KCNJ10: variants seen among roughly 807,000 people sequenced by gnomAD.
The protein encoded by KCNJ10 is potassium inwardly rectifying channel subfamily J member 10.
In KCNJ10, 9 loss-of-function variants were observed where a neutral mutation model predicts 22.2. The ratio of observed to expected loss-of-function variants is 0.40; its 90% CI spans 0.24 to 0.71. KCNJ10 has a LOEUF of 0.71. KCNJ10 is among the 30% of genes least tolerant of loss of function. The probability of loss-of-function intolerance (pLI) is 0.35; values close to 1 mark genes in which losing one functional copy is unlikely to be tolerated. For synonymous variants in KCNJ10, 184 were observed against 187.3 expected (o/e 0.98, Z 0.15); for missense variants, 337 against 482.7 (o/e 0.70, Z 2.83).
chr1:160,041,017 T>C lies in KCNJ10; in HGVS notation c.*376A>G. 2.9e-6 allele frequency: 1 copy of C among 349,268 alleles called. No homozygotes were observed. Among genetic ancestry groups the C allele is most frequent in the Non-Finnish European group, 5.4e-6 (1 of 186,158 alleles). 21.6% of individuals were successfully genotyped at this position (349,268 alleles called of 1,614,324 possible). A position where few individuals can be genotyped will look rare whatever the true frequency, so the allele number is the denominator to read the frequency against. ...AAAGGTAACAGAGGGAGCTCCAGCC[T>C]CAAGTCACCAAACTTCATGGTGGTG... is the stretch of plus-strand genomic sequence containing the variant. On this transcript the variant is annotated 3_prime_UTR_variant, in exon 2 of 2. Transcript: ENST00000644903. The surrounding 1 kb of genome is among the most constrained non-coding windows in gnomAD (Gnocchi z 4.4).
rs1553235194 is a variant in KCNJ10 at position 160,043,270 on chromosome 1, A to AC, written c.1-739_1-738insG. ...AAATCCTTCCAGGCCAATCCCCCTT[A>AC]AAACACACACACACACACACACACA... On this transcript the variant is annotated intron_variant, in intron 1 of 1. Transcript: ENST00000644903. 6.7e-4 allele frequency among the ~76,000 whole-genome samples: 16 copies of AC among 24,040 alleles called. No individual in the cohort carries two copies. In the Admixed American group the frequency reaches 8.6e-3, roughly 13 times the overall value. 15.8% of individuals were successfully genotyped at this position (24,040 alleles called of 152,430 possible). A position where few individuals can be genotyped will look rare whatever the true frequency, so the allele number is the denominator to read the frequency against.
intron 1 of KCNJ10, among the ~76,000 whole-genome samples, chr1:160,045,930 A>G (rs932301448): frequency 1.3e-5 from 2 of 152,258 alleles, no homozygotes; most frequent in South Asian, 2.1e-4. Context: ...AGTTGATATT[A>G]TAAAGAGCAT....
At chr1:160,064,359 C>G (rs1649266185) in intron 1 of KCNJ10, among the ~76,000 whole-genome samples, 1 of 152,186 alleles carries the variant, frequency 6.6e-6, no homozygotes, top group Non-Finnish European at 1.5e-5. Context: ...GATATTGCAA[C>G]ACACTAAATG....
chr1:160,066,130 G>A (rs1649318701), intron 1 of KCNJ10, among the ~76,000 whole-genome samples: 1 of 152,140 alleles, frequency 6.6e-6, no homozygotes, highest in South Asian at 2.1e-4. Flanking sequence ...GAAGTCTTTG[G>A]CTGAAAGAGA....
Position 160,041,480 on chromosome 1 carries a change from G to C in KCNJ10, c.1053C>G (p.Asp351Glu), listed in dbSNP as rs1007318109. Residue 351 changes from aspartate to glutamate, a missense_variant, in exon 2 of 2, where the codon GAC becomes GAG. By Grantham distance (45) the Asp-to-Glu change is conservative (BLOSUM62 2). This residue lies in a region of KCNJ10 where 65 missense variants were observed against 66.0 expected (regional missense o/e 0.98). Coordinates refer to ENST00000644903, the MANE Select transcript of KCNJ10 (RefSeq NM_002241.5). This position sits in a 1 kb window ranked among gnomAD's most constrained non-coding sequence, Gnocchi z 4.4. ...GLRDSTVRYG[D>E]PEKLKLEESL... ...ACTCCTCCAACTTGAGCTTTTCAGG[G>C]TCTCCGTAGCGTACAGTGCTGTCAC... is the stretch of plus-strand genomic sequence containing the variant. 1.2e-6 allele frequency: 2 copies of C among 1,614,104 alleles called. No individual in the cohort carries two copies. Among genetic ancestry groups the C allele is most frequent in the African/African-American group, 2.7e-5 (2 of 74,994 alleles).
Position 160,040,649 on chromosome 1 carries a change from C to A in KCNJ10, c.*744G>T. 2.5e-6 allele frequency: 1 copy of A among 398,906 alleles called. No individual in the cohort carries two copies. The highest frequency in any genetic ancestry group is 1.3e-4 in the South Asian group (1 of 7,870). 24.7% of individuals were successfully genotyped at this position (398,906 alleles called of 1,614,324 possible). A position where few individuals can be genotyped will look rare whatever the true frequency, so the allele number is the denominator to read the frequency against. On this transcript the variant is annotated 3_prime_UTR_variant, in exon 2 of 2. Transcript: ENST00000644903. ...TAGATAACAACTTGTGTTAGTCACT[C>A]CAAATTGAAGAGTTCAGAATCCAGG...
rs942200795 is a variant in KCNJ10 at position 160,044,447 on chromosome 1, A to T, written c.1-1915T>A. Among the ~76,000 whole-genome samples the T allele has an allele frequency of 4.6e-5, 7 of 152,192 alleles. No individual in the cohort carries two copies. The East Asian group carries it at 1.3e-3, about 29-fold the overall frequency. ...ACACATTAGAATACCTTCTCATTTGATCCTCAAACTCTTGAAAAAAAAGAT... is the reference window on the plus strand; with the variant it reads ...ACACATTAGAATACCTTCTCATTTGTTCCTCAAACTCTTGAAAAAAAAGAT... On this transcript the variant is annotated intron_variant, in intron 1 of 1. Transcript: ENST00000644903.
chr1:160,053,270 G>A (rs981329055), intron 1 of KCNJ10, among the ~76,000 whole-genome samples: 1 of 152,152 alleles, frequency 6.6e-6, no homozygotes, highest in African/African-American at 2.4e-5. Flanking sequence ...TCTGTTTTTG[G>A]ATACCAGTTC....
chr1:160,043,315 A>C (rs866843451), intron 1 of KCNJ10, among the ~76,000 whole-genome samples: 40 of 131,198 alleles, frequency 3.0e-4, no homozygotes, highest in Middle Eastern at 3.6e-3. Context: ...ACACACACAC[A>C]ACCTTAATTT....
chr1:160,040,475 G>C lies in KCNJ10; in HGVS notation c.*918C>G. On this transcript the variant is annotated 3_prime_UTR_variant, in exon 2 of 2. Coordinates refer to ENST00000644903, the MANE Select transcript of KCNJ10 (RefSeq NM_002241.5). ...AAAGGAAGAAGAGAAGCCAGGTACAGTGTAATCTGGAATATTATTTTCAGA... is the reference window on the plus strand; with the variant it reads ...AAAGGAAGAAGAGAAGCCAGGTACACTGTAATCTGGAATATTATTTTCAGA... 1 of 398,618 alleles carries C rather than the reference G, an allele frequency of 2.5e-6. No individual in the cohort carries two copies. The highest frequency in any genetic ancestry group is 4.4e-6 in the Non-Finnish European group (1 of 226,052). 24.7% of individuals were successfully genotyped at this position (398,618 alleles called of 1,614,324 possible). A position where few individuals can be genotyped will look rare whatever the true frequency, so the allele number is the denominator to read the frequency against.
chr1:160,069,838 G>T (rs111738052), intron 1 of KCNJ10, among the ~76,000 whole-genome samples, 184 bp downstream of exon 1: 2 of 152,310 alleles, frequency 1.3e-5, no homozygotes, highest in African/African-American at 4.8e-5. Flanking sequence ...TCCTCGTGGG[G>T]AGCCCTTCCC....
intron 1 of KCNJ10, among the ~76,000 whole-genome samples, chr1:160,064,529 A>G (rs1032737518): frequency 2.0e-4 from 31 of 152,246 alleles, no homozygotes; most frequent in African/African-American, 7.2e-4. Context: ...GCAAAAATTA[A>G]TAATTATTTC....
chr1:160,041,804 G>C lies in KCNJ10; in HGVS notation c.729C>G (p.Ala243=). 6.2e-7 allele frequency: 1 copy of C among 1,614,196 alleles called. No individual in the cohort carries two copies. The highest frequency in any genetic ancestry group is 8.5e-7 in the Non-Finnish European group (1 of 1,180,032). ...GTAGAATAAGGAAGGGGCTGTCAGA[G>C]GCTGTGTCTACTTGGAAAGTCACAT... ...QVNVTFQVDT[A]SDSPFLILPL... The change falls in exon 2 of 2, where the codon GCC becomes GCG. Residue 243 remains alanine (A), a synonymous_variant. Transcript: ENST00000644903. The surrounding 1 kb of genome is among the most constrained non-coding windows in gnomAD (Gnocchi z 4.4).
At chr1:160,054,087 C>A (rs1366820002) in intron 1 of KCNJ10, among the ~76,000 whole-genome samples, 1 of 152,210 alleles carries the variant, frequency 6.6e-6, no homozygotes, top group Non-Finnish European at 1.5e-5. Flanking sequence ...ATCTTGGGGA[C>A]CCCCTGTTTC....
intron 1 of KCNJ10, among the ~76,000 whole-genome samples, chr1:160,061,167 G>A (rs1649181494): frequency 1.3e-5 from 2 of 152,268 alleles, no homozygotes; most frequent in Admixed American, 1.3e-4. Context: ...GATAGGGTTG[G>A]GGGTGGGGTC....
chr1:160,064,297 T>C (rs551167580), intron 1 of KCNJ10, among the ~76,000 whole-genome samples: 1 of 152,328 alleles, frequency 6.6e-6, no homozygotes, highest in South Asian at 2.1e-4. Context: ...CCCTTTTCAC[T>C]TTCATTATTT....
chr1:160,064,592 C>T (rs1283901114), intron 1 of KCNJ10: 1 of 152,230 alleles, frequency 6.6e-6, no homozygotes, highest in African/African-American at 2.4e-5. Context: ...ATAGAACCCA[C>T]ACAAACCAAA....
intron 1 of KCNJ10, among the ~76,000 whole-genome samples, chr1:160,053,092 C>T (rs1448880024): frequency 1.3e-5 from 2 of 152,096 alleles, no homozygotes; most frequent in African/African-American, 4.8e-5. Context: ...GGACACATTG[C>T]GAGGTCAGTC....
intron 1 of KCNJ10, among the ~76,000 whole-genome samples, chr1:160,052,997 A>G (rs1250129692): frequency 6.6e-6 from 1 of 152,208 alleles, no homozygotes; most frequent in Non-Finnish European, 1.5e-5. Context: ...AGACAAAAAG[A>G]GATTTCAAGG....
Sources: gnomAD v4.1 joint callset for allele counts (sites outside exome capture counted in the v4.1 genomes callset) on GRCh38, gnomAD v4.1.1 for gene constraint, gnomAD v4.1.1 regional missense constraint, Gnocchi (gnomAD v3.1) non-coding constraint, MANE v1.5 for transcripts, NCBI Gene and HGNC (gene_info 2026-07-23, HGNC 2026-07-21) for gene names.